The following ARHGAP24 variants were observed in gnomAD, a reference collection of about 807,000 sequenced individuals.
The protein encoded by ARHGAP24 is rho GTPase-activating protein 24.
In ARHGAP24, 50 loss-of-function variants were observed where a neutral mutation model predicts 76.4. The ratio of observed to expected loss-of-function variants is 0.65; its 90% confidence interval spans 0.52 to 0.83. ARHGAP24 has a LOEUF of 0.83. Among genes scored for constraint, ARHGAP24 ranks in the 40% least tolerant of loss-of-function variants. The pLI, the probability that ARHGAP24 is intolerant of heterozygous loss-of-function variation, is 0.00. For missense variants in ARHGAP24, 930 were observed against 914.2 expected, an observed-to-expected ratio of 1.02 and a Z score of -0.22; for synonymous variants, 345 against 323.3, an observed-to-expected ratio of 1.07 and a Z score of -0.72.
chr4:85,482,717 G>A (rs1367318500), intron 1 of ARHGAP24, among the ~76,000 whole-genome samples: 1 of 152,222 alleles, frequency 6.6e-6, no homozygotes. Flanking sequence ...AATGATTGAA[G>A]CCTTACTATG....
chr4:85,601,350 T>TAAA (rs1720022246), intron 2 of ARHGAP24, among the ~76,000 whole-genome samples: 1 of 152,228 alleles, frequency 6.6e-6, no homozygotes, highest in Non-Finnish European at 1.5e-5. Context: ...CATCAAAAGC[T>TAAA]GTTTAGTAGA....
chr4:85,982,501 A>T (rs1739727255), intron 8 of ARHGAP24, among the ~76,000 whole-genome samples: 3 of 152,054 alleles, frequency 2.0e-5, no homozygotes, highest in Admixed American at 1.3e-4. Flanking sequence ...TAGTTGTTTC[A>T]TTTAACCCAG....
chr4:85,956,438 C>T (rs928373484), intron 5 of ARHGAP24, among the ~76,000 whole-genome samples: 2 of 152,152 alleles, frequency 1.3e-5, no homozygotes, highest in Non-Finnish European at 2.9e-5. Flanking sequence ...CCAGAGCTCC[C>T]AAGATGGAGG....
At chr4:85,559,180 C>A (rs764761828) in intron 1 of ARHGAP24, among the ~76,000 whole-genome samples, 1 of 152,142 alleles carries the variant, frequency 6.6e-6, no homozygotes, top group Non-Finnish European at 1.5e-5. Context: ...TAAAGCTCTC[C>A]TTCATTACTG....
intron 1 of ARHGAP24, among the ~76,000 whole-genome samples, chr4:85,505,012 GA>G (rs1414977278): frequency 6.6e-6 from 1 of 152,126 alleles, no homozygotes; most frequent in African/African-American, 2.4e-5. Context: ...ATTCTGGGTT[GA>G]AAAATTCTGT....
At chr4:85,680,454 A>G (rs2110009444) in intron 2 of ARHGAP24, among the ~76,000 whole-genome samples, 1 of 152,328 alleles carries the variant, frequency 6.6e-6, no homozygotes, top group South Asian at 2.1e-4. Flanking sequence ...AAAAGTATCA[A>G]AGAAGTTTCA....
At chr4:85,825,680 TC>T (rs1336280437) in intron 3 of ARHGAP24, among the ~76,000 whole-genome samples, 1 of 152,192 alleles carries the variant, frequency 6.6e-6, no homozygotes, top group Non-Finnish European at 1.5e-5. Flanking sequence ...AACTGATTTT[TC>T]CTTTCTGCAT....
chr4:85,513,208 A>C (rs1344573029), intron 1 of ARHGAP24, among the ~76,000 whole-genome samples: 1 of 152,182 alleles, frequency 6.6e-6, no homozygotes, highest in African/African-American at 2.4e-5. Context: ...GAGAGTTGGG[A>C]AAGAAGTTTG....
At chr4:85,673,414 C>A (rs1388364709) in intron 2 of ARHGAP24, among the ~76,000 whole-genome samples, 1 of 152,006 alleles carries the variant, frequency 6.6e-6, no homozygotes, top group Non-Finnish European at 1.5e-5. Flanking sequence ...TTTATGATAT[C>A]TTTCAACCAC....
intron 1 of ARHGAP24, among the ~76,000 whole-genome samples, chr4:85,549,679 G>T (rs1292889482): frequency 6.6e-6 from 1 of 152,134 alleles, no homozygotes; most frequent in East Asian, 1.9e-4. Flanking sequence ...TGTTTCAGGA[G>T]TTTCGTGTAC....
intron 3 of ARHGAP24, among the ~76,000 whole-genome samples, chr4:85,809,776 C>T (rs1322061194): frequency 1.3e-5 from 2 of 152,120 alleles, no homozygotes; most frequent in Non-Finnish European, 2.9e-5. Context: ...GGGTAGATGT[C>T]CAGGACAGAC....
At chr4:85,686,644 G>A (rs905045256) in intron 2 of ARHGAP24, 4 of 152,074 alleles carry the variant, frequency 2.6e-5, no homozygotes, top group African/African-American at 9.7e-5. Flanking sequence ...TGTGAAGAAG[G>A]CCCTGCATAC....
intron 3 of ARHGAP24, among the ~76,000 whole-genome samples, chr4:85,880,083 T>C (rs1733158722): frequency 6.6e-6 from 1 of 152,208 alleles, no homozygotes; most frequent in African/African-American, 2.4e-5. Flanking sequence ...TGTTTTTTCC[T>C]ATACATGCAT....
At chr4:85,528,676 GT>G (rs1327333711) in intron 1 of ARHGAP24, among the ~76,000 whole-genome samples, 1 of 151,996 alleles carries the variant, frequency 6.6e-6, no homozygotes, top group Non-Finnish European at 1.5e-5. Flanking sequence ...CAAACTATGT[GT>G]TTGTTAAGTA....
intron 2 of ARHGAP24, among the ~76,000 whole-genome samples, chr4:85,571,317 C>T (rs1277160110): frequency 6.6e-6 from 1 of 152,154 alleles, no homozygotes; most frequent in Non-Finnish European, 1.5e-5. Flanking sequence ...TTTTCTCAAC[C>T]ACAAGTCTCA....
intron 5 of ARHGAP24, among the ~76,000 whole-genome samples, chr4:85,951,590 C>T (rs1737620324): frequency 6.6e-6 from 1 of 151,958 alleles, no homozygotes; most frequent in African/African-American, 2.4e-5. Context: ...GTTTGGGGTC[C>T]ATAGCCTCAA....
intron 3 of ARHGAP24, among the ~76,000 whole-genome samples, chr4:85,760,421 A>T (rs530448757): frequency 6.6e-6 from 1 of 152,196 alleles, no homozygotes; most frequent in Non-Finnish European, 1.5e-5. Flanking sequence ...ATGAAATGCC[A>T]TTCTTTTTTA....
intron 1 of ARHGAP24, among the ~76,000 whole-genome samples, chr4:85,485,169 C>T (rs1722972341): frequency 6.7e-6 from 1 of 149,698 alleles, no homozygotes; most frequent in Admixed American, 6.7e-5. Context: ...CACGGTGAAA[C>T]CCCGTCTCTA....
chr4:85,905,946 A>G lies in ARHGAP24; in HGVS notation c.269-17702A>G, dbSNP rs111892122. Among the ~76,000 whole-genome samples, 355 of 152,328 alleles carry G rather than the reference A, an allele frequency of 2.3e-3. 2 individuals carry two copies. The highest frequency in any genetic ancestry group is 8.3e-3 in the African/African-American group (343 of 41,562). On this transcript the variant is annotated intron_variant, in intron 3 of 9. Transcript: ENST00000395184. The stretch of plus-strand genomic sequence containing the variant: ...CCAATTAGTACACTGGACATCTGCC[A>G]AGAAGGAGCTGAAATAAAACCATCA...
Sources: allele counts gnomAD v4.1 joint callset (sites outside exome capture counted in the v4.1 genomes callset), GRCh38; gene constraint gnomAD v4.1.1; transcripts MANE v1.5; gene names NCBI Gene and HGNC (gene_info 2026-07-23, HGNC 2026-07-21).